Variants in COL24A1 observed in about 807,000 individuals in gnomAD.
The protein encoded by COL24A1 is collagen alpha-1(XXIV) chain.
COL24A1 carries 224 observed loss-of-function variants against 253.9 expected under a neutral mutation model. The ratio of observed to expected loss-of-function variants is 0.88; its 90% CI spans 0.79 to 0.99. COL24A1 has a LOEUF of 0.99. COL24A1 is among the 50% of genes least tolerant of loss of function. The probability of loss-of-function intolerance (pLI) is 0.00; values close to 1 mark genes in which losing one functional copy is unlikely to be tolerated. For missense variants in COL24A1, 2,131 were observed against 2,068.5 expected, an observed-to-expected ratio of 1.03 and a Z score of -0.59; for synonymous variants, 685 against 673.7, an observed-to-expected ratio of 1.02 and a Z score of -0.26.
chr1:86,013,227 A>G (rs944573686), intron 19 of COL24A1, among the ~76,000 whole-genome samples: 1 of 152,190 alleles, frequency 6.6e-6, no homozygotes, highest in African/African-American at 2.4e-5. Flanking sequence ...CCAGTTATTA[A>G]CAAAAGCTAT....
chr1:85,777,834 C>T (rs1005270356), intron 52 of COL24A1, among the ~76,000 whole-genome samples: 15 of 152,078 alleles, frequency 9.9e-5, no homozygotes, highest in African/African-American at 3.6e-4. Flanking sequence ...TCTTATTTTA[C>T]TTTAATTTGC....
At position 85,850,193 on chromosome 1, in the gene COL24A1, G is replaced by A. The variant is rs530054944; in HGVS notation, c.3301-787C>T. Among the ~76,000 whole-genome samples the A allele has an allele frequency of 2.6e-5, 4 of 152,040 alleles. No individual in the cohort carries two copies. The South Asian group carries it at 6.2e-4, about 24-fold the overall frequency. On this transcript the variant is annotated intron_variant, in intron 37 of 59. Transcript: ENST00000370571. ...GAATTTTCAGGTAAACAATGGTTAG[G>A]CTTAAGTGAGTTCCACAGTAAGCCA... is the stretch of plus-strand genomic sequence containing the variant.
chr1:85,754,402 G>T (rs1665959998), intron 55 of COL24A1, among the ~76,000 whole-genome samples: 2 of 87,182 alleles, frequency 2.3e-5, no homozygotes, highest in Admixed American at 2.4e-4. Context: ...TCGGGGGAGG[G>T]GGGAGGGATA....
chr1:86,097,541 CTCCT>C (rs1232169655), intron 5 of COL24A1, among the ~76,000 whole-genome samples: 1 of 10,718 alleles, frequency 9.3e-5, no homozygotes, highest in East Asian at 3.0e-3. Context: ...CTCCTCCTCC[CTCCT>C]CCCTCCTCCT....
intron 20 of COL24A1, among the ~76,000 whole-genome samples, chr1:85,983,300 G>A (rs764899910): frequency 3.3e-5 from 5 of 151,840 alleles, no homozygotes; most frequent in African/African-American, 4.8e-5. Context: ...CTAATGTTAC[G>A]GGATTCTTGA....
At chr1:86,102,063 G>T (rs1704505750) in intron 5 of COL24A1, among the ~76,000 whole-genome samples, 1 of 142,446 alleles carries the variant, frequency 7.0e-6, no homozygotes, top group African/African-American at 2.6e-5. Flanking sequence ...ATTCCATTTT[G>T]GTGCTCATTT....
chr1:85,786,074 G>C (rs1187924750), intron 48 of COL24A1, among the ~76,000 whole-genome samples: 1 of 152,184 alleles, frequency 6.6e-6, no homozygotes, highest in Non-Finnish European at 1.5e-5. Flanking sequence ...ACAGATGACA[G>C]AGAAGGAAAA....
intron 7 of COL24A1, among the ~76,000 whole-genome samples, chr1:86,064,553 T>C (rs1701335626): frequency 6.6e-6 from 1 of 152,168 alleles, no homozygotes; most frequent in Non-Finnish European, 1.5e-5. Context: ...AGGATTTTGG[T>C]GCATATAAAG....
At chr1:85,859,969 A>G (rs929947960) in intron 37 of COL24A1, among the ~76,000 whole-genome samples, 1 of 152,092 alleles carries the variant, frequency 6.6e-6, no homozygotes, top group Non-Finnish European at 1.5e-5. Flanking sequence ...ATGCTATTTT[A>G]TACAATTTAT....
At chr1:85,748,284 T>C (rs992975125) in intron 55 of COL24A1, among the ~76,000 whole-genome samples, 3 of 152,224 alleles carry the variant, frequency 2.0e-5, no homozygotes, top group Admixed American at 2.0e-4. Flanking sequence ...ATGATAAAAC[T>C]GGCTAGTTGG....
At position 85,887,023 on chromosome 1, in the gene COL24A1, T is replaced by G. The variant is rs1017079713; in HGVS notation, c.2976+2537A>C. On this transcript the variant is annotated intron_variant, in intron 32 of 59. Coordinates refer to ENST00000370571, the MANE Select transcript of COL24A1 (RefSeq NM_152890.7). ...AACTGAGTGAAGTTTTATTATACAC[T>G]TTTAGTTAACTTGAGAATCCTGTTA... 5.3e-5 allele frequency among the ~76,000 whole-genome samples: 8 copies of G among 152,176 alleles called. No homozygotes were observed. In the East Asian group the frequency reaches 1.5e-3, roughly 29 times the overall value.
intron 5 of COL24A1, among the ~76,000 whole-genome samples, chr1:86,096,353 A>G (rs1489606768): frequency 6.6e-6 from 1 of 152,164 alleles, no homozygotes; most frequent in Admixed American, 6.5e-5. Flanking sequence ...ACTAAATGAC[A>G]TGACCTTGAG....
chr1:85,746,123 T>A (rs1665183691), intron 55 of COL24A1, among the ~76,000 whole-genome samples: 1 of 152,142 alleles, frequency 6.6e-6, no homozygotes, highest in Non-Finnish European at 1.5e-5. Context: ...GTAATTCTTT[T>A]AAAAAAATTA....
At chr1:85,735,391 G>A (rs1238138788) in intron 58 of COL24A1, among the ~76,000 whole-genome samples, 1 of 152,104 alleles carries the variant, frequency 6.6e-6, no homozygotes, top group East Asian at 1.9e-4. Context: ...TTTGGTTAAT[G>A]CTTTAATACT....
intron 24 of COL24A1, among the ~76,000 whole-genome samples, chr1:85,944,213 C>A (rs927197215): frequency 6.6e-6 from 1 of 152,152 alleles, no homozygotes; most frequent in Non-Finnish European, 1.5e-5. Flanking sequence ...AGTTATAAAG[C>A]TGGGTATAGA....
At chr1:86,139,180 G>GC (rs970610917) in intron 2 of COL24A1, among the ~76,000 whole-genome samples, 3 of 2,994 alleles carry the variant, frequency 1.0e-3, no homozygotes, top group South Asian at 0.25. Context: ...GAAGGAGAAA[G>GC]GGGGGGGAGA....
At chr1:86,136,066 C>T (rs892563186) in intron 2 of COL24A1, among the ~76,000 whole-genome samples, 1 of 152,070 alleles carries the variant, frequency 6.6e-6, no homozygotes, top group Non-Finnish European at 1.5e-5. Context: ...TCCAGGAGGA[C>T]TTCTGCAGCC....
chr1:85,738,354 A>G (rs1664273200), intron 57 of COL24A1, among the ~76,000 whole-genome samples: 1 of 152,170 alleles, frequency 6.6e-6, no homozygotes, highest in South Asian at 2.1e-4. Context: ...CATACAATTA[A>G]ATGTTTATCA....
chr1:85,859,656 T>A (rs1488555990), intron 37 of COL24A1, among the ~76,000 whole-genome samples: 1 of 152,218 alleles, frequency 6.6e-6, no homozygotes, highest in Non-Finnish European at 1.5e-5. Flanking sequence ...TTTATTTTAG[T>A]GCTTTTCCTG....
Sources: gnomAD v4.1 joint callset for allele counts (sites outside exome capture counted in the v4.1 genomes callset) on GRCh38, gnomAD v4.1.1 for gene constraint, MANE v1.5 for transcripts, NCBI Gene and HGNC (gene_info 2026-07-23, HGNC 2026-07-21) for gene names.